NPAS3: variants seen among roughly 807,000 people sequenced by gnomAD.
NPAS3 encodes neuronal PAS domain protein 3.
Under a neutral mutation model 73.1 loss-of-function variants are expected in NPAS3, and 14 were observed. The ratio of observed to expected loss-of-function variants is 0.19; its 90% CI spans 0.13 to 0.30. The LOEUF (loss-of-function observed/expected upper bound fraction) is 0.30. NPAS3 is among the 10% of genes least tolerant of loss of function. NPAS3 has a pLI of 1.00. For synonymous variants in NPAS3, 620 were observed against 541.5 expected (o/e 1.14, Z -2.01); for missense variants, 1,096 against 1,250.0 (o/e 0.88, Z 1.86).
At chr14:33,051,852 C>T (rs1055488437) in intron 1 of NPAS3, among the ~76,000 whole-genome samples, 19 of 152,150 alleles carry the variant, frequency 1.2e-4, no homozygotes, top group Non-Finnish European at 1.9e-4. Flanking sequence ...CTCCACCTCC[C>T]GGGTTCAAGC....
chr14:33,143,086 C>A (rs772878353), intron 2 of NPAS3, among the ~76,000 whole-genome samples: 3 of 152,150 alleles, frequency 2.0e-5, no homozygotes, highest in Non-Finnish European at 4.4e-5. Context: ...GCCTGGGCAA[C>A]AAGAGCGAAA....
intron 5 of NPAS3, among the ~76,000 whole-genome samples, chr14:33,567,012 G>A (rs762620463): frequency 2.6e-5 from 4 of 152,130 alleles, no homozygotes; most frequent in Non-Finnish European, 4.4e-5. Context: ...CTTCCACAGG[G>A]TAATAATCGA....
intron 3 of NPAS3, among the ~76,000 whole-genome samples, chr14:33,329,221 C>T (rs2043864105): frequency 6.6e-6 from 1 of 152,164 alleles, no homozygotes; most frequent in South Asian, 2.1e-4. Context: ...CACCCTGCCC[C>T]CAGCCCCACC....
chr14:33,614,316 G>A (rs536581955), intron 5 of NPAS3, among the ~76,000 whole-genome samples: 1 of 152,172 alleles, frequency 6.6e-6, no homozygotes, highest in African/African-American at 2.4e-5. Flanking sequence ...TGCCAAACAG[G>A]CATGACAAAG....
rs74042011 is a variant in NPAS3, at chr14:33,269,815, G to A, written c.385+54389G>A. Among the ~76,000 whole-genome samples, 1,443 of 152,168 alleles carry A rather than the reference G, an allele frequency of 9.5e-3. 30 individuals are homozygous for A. The highest frequency in any genetic ancestry group is 0.033 in the African/African-American group (1,379 of 41,498). On this transcript the variant is annotated intron_variant, in intron 3 of 11. Transcript: ENST00000356141. ...AATGTCCTAATAGGGAAGCAGGGAG[G>A]GGGGTATGGGGAGGGAGGGCAAGAA...
chr14:33,744,451 A>G (rs1468583410), intron 7 of NPAS3, among the ~76,000 whole-genome samples: 1 of 152,178 alleles, frequency 6.6e-6, no homozygotes, highest in Non-Finnish European at 1.5e-5. Context: ...TAACAGTAAT[A>G]TCAAAGATCG....
intron 4 of NPAS3, among the ~76,000 whole-genome samples, chr14:33,551,472 A>G (rs1169666497): frequency 1.3e-5 from 2 of 152,192 alleles, no homozygotes; most frequent in African/African-American, 2.4e-5. Context: ...TGCCAACATC[A>G]GGGGTGTGTT....
At chr14:33,341,229 C>T (rs1266668922) in intron 3 of NPAS3, among the ~76,000 whole-genome samples, 6 of 152,178 alleles carry the variant, frequency 3.9e-5, no homozygotes, top group Admixed American at 3.3e-4. Context: ...GGAAGCCACA[C>T]GCCATCTCAA....
chr14:33,718,643 CA>C (rs2140529781), intron 6 of NPAS3, among the ~76,000 whole-genome samples: 1 of 76,568 alleles, frequency 1.3e-5, no homozygotes, highest in East Asian at 2.4e-4. Context: ...TATGGTATCA[CA>C]GTGCCAGGTA....
chr14:33,530,673 G>A (rs938691313), intron 4 of NPAS3, among the ~76,000 whole-genome samples: 1 of 149,958 alleles, frequency 6.7e-6, no homozygotes, highest in Admixed American at 6.6e-5. Context: ...CCTACTTGAC[G>A]TTTAACCCTA....
At chr14:33,247,164 A>G (rs201917776) in intron 3 of NPAS3, among the ~76,000 whole-genome samples, 1 of 98,762 alleles carries the variant, frequency 1.0e-5, no homozygotes, top group East Asian at 2.0e-4. Context: ...TGTACATTCT[A>G]TCTTAGAATA....
chr14:33,100,475 T>C (rs190042592), intron 2 of NPAS3, among the ~76,000 whole-genome samples: 1 of 152,306 alleles, frequency 6.6e-6, no homozygotes, highest in East Asian at 1.9e-4. Context: ...TCATTCATAA[T>C]AGAAAAGCCT....
chr14:33,668,427 C>T (rs774005835), intron 5 of NPAS3, among the ~76,000 whole-genome samples: 3 of 152,140 alleles, frequency 2.0e-5, no homozygotes, highest in Non-Finnish European at 4.4e-5. Flanking sequence ...TTTACTGTGA[C>T]CAGAATAAAA....
chr14:33,121,394 C>G (rs1371427072), intron 2 of NPAS3, among the ~76,000 whole-genome samples: 1 of 152,134 alleles, frequency 6.6e-6, no homozygotes, highest in Non-Finnish European at 1.5e-5. Flanking sequence ...ACATGGCACT[C>G]ATGACACTAT....
intron 3 of NPAS3, among the ~76,000 whole-genome samples, chr14:33,299,412 C>T (rs1324175982): frequency 6.6e-6 from 1 of 152,088 alleles, no homozygotes; most frequent in Non-Finnish European, 1.5e-5. Context: ...CCCTATTCTA[C>T]AGGACCTGAA....
intron 4 of NPAS3, among the ~76,000 whole-genome samples, chr14:33,405,502 C>T (rs2047627254): frequency 6.6e-6 from 1 of 152,042 alleles, no homozygotes; most frequent in Non-Finnish European, 1.5e-5. Flanking sequence ...TTGACTGCTT[C>T]TTTGTACAGT....
intron 1 of NPAS3, among the ~76,000 whole-genome samples, chr14:33,018,662 A>G (rs1179094318): frequency 6.6e-6 from 1 of 152,222 alleles, no homozygotes; most frequent in African/African-American, 2.4e-5. Flanking sequence ...TATAAGAAAT[A>G]TATTTTTCAT....
chr14:33,554,440 G>A (rs1445895157), intron 4 of NPAS3, among the ~76,000 whole-genome samples: 1 of 152,194 alleles, frequency 6.6e-6, no homozygotes, highest in African/African-American at 2.4e-5. Context: ...TGGACAAGGA[G>A]CACATGCATG....
At chr14:33,373,065 A>G (rs1247106520) in intron 4 of NPAS3, among the ~76,000 whole-genome samples, 1 of 152,214 alleles carries the variant, frequency 6.6e-6, no homozygotes, top group Non-Finnish European at 1.5e-5. Context: ...AGTTAACAAA[A>G]CACAAAATGG....
Sources: allele counts gnomAD v4.1 joint callset (sites outside exome capture counted in the v4.1 genomes callset), GRCh38; gene constraint gnomAD v4.1.1; transcripts MANE v1.5; gene names NCBI Gene and HGNC (gene_info 2026-07-23, HGNC 2026-07-21).